PLCB1: variants seen among roughly 807,000 people sequenced by gnomAD.
PLCB1 encodes the protein 1-phosphatidylinositol 4,5-bisphosphate phosphodiesterase beta-1.
PLCB1 carries 46 observed loss-of-function variants against 161.8 expected under a neutral mutation model. That is an observed-to-expected ratio of 0.28 (90% CI 0.22 to 0.36). The LOEUF (loss-of-function observed/expected upper bound fraction) is 0.36. PLCB1 is among the 10% of genes least tolerant of loss of function. The pLI, the probability that PLCB1 is intolerant of heterozygous loss-of-function variation, is 1.00. For synonymous variants in PLCB1, 517 were observed against 503.7 expected (o/e 1.03, Z -0.35); for missense variants, 1,016 against 1,472.5 (o/e 0.69, Z 5.07).
intron 3 of PLCB1, among the ~76,000 whole-genome samples, chr20:8,518,251 G>A (rs6055878): frequency 0.19 from 29,586 of 152,010 alleles, 3,038 homozygotes; most frequent in African/African-American, 0.24. Flanking sequence ...AGGCTGGAGT[G>A]CAGTAGCAAT....
chr20:8,436,511 T>TA (rs1980318128), intron 3 of PLCB1, among the ~76,000 whole-genome samples: 1 of 152,092 alleles, frequency 6.6e-6, no homozygotes, highest in Non-Finnish European at 1.5e-5. Flanking sequence ...ATTGTTAATT[T>TA]AAAAAATCTG....
chr20:8,465,797 T>C lies in PLCB1; in HGVS notation c.246+94347T>C, dbSNP rs538122559. On this transcript the variant is annotated intron_variant, in intron 3 of 31. Coordinates refer to ENST00000338037, the MANE Select transcript of PLCB1 (RefSeq NM_015192.4). ...AGATACCATCTCACACCAGTTAGAA[T>C]GGCAATCATTAAAAAGTCAGGAAAC... Among the ~76,000 whole-genome samples the C allele has an allele frequency of 2.0e-5, 3 of 151,058 alleles. No homozygotes were observed. The East Asian group carries it at 5.9e-4, about 30-fold the overall frequency.
chr20:8,565,789 A>G (rs1452056654), intron 3 of PLCB1, among the ~76,000 whole-genome samples: 3 of 152,084 alleles, frequency 2.0e-5, no homozygotes, highest in African/African-American at 4.8e-5. Flanking sequence ...TTTTGTCCTC[A>G]GTCATTTCCT....
intron 3 of PLCB1, among the ~76,000 whole-genome samples, chr20:8,484,829 G>A (rs1294047324): frequency 6.6e-6 from 1 of 152,040 alleles, no homozygotes; most frequent in Non-Finnish European, 1.5e-5. Flanking sequence ...AAGTATTGTT[G>A]TCTGTCTACC....
At chr20:8,873,772 T>A (rs1048713014) in intron 31 of PLCB1, among the ~76,000 whole-genome samples, 15 of 152,134 alleles carry the variant, frequency 9.9e-5, no homozygotes, top group Non-Finnish European at 2.1e-4. Flanking sequence ...ATTATTTGAC[T>A]ACCTCATAGT....
intron 3 of PLCB1, among the ~76,000 whole-genome samples, chr20:8,407,832 C>T (rs908895753): frequency 3.9e-5 from 6 of 152,170 alleles, no homozygotes; most frequent in South Asian, 2.1e-4. Context: ...TCCCCAGAAC[C>T]GAAAATTCCA....
chr20:8,495,862 C>T (rs1188853504), intron 3 of PLCB1, among the ~76,000 whole-genome samples: 2 of 152,134 alleles, frequency 1.3e-5, no homozygotes, highest in Non-Finnish European at 2.9e-5. Flanking sequence ...AAATTGCCAT[C>T]TCTCCACATT....
At chr20:8,789,634 C>T (rs867786488) in intron 30 of PLCB1, 59 bp downstream of exon 30, 33 of 1,267,056 alleles carry the variant, frequency 2.6e-5, no homozygotes, top group Non-Finnish European at 3.7e-5. Flanking sequence ...TTGGTGAGCT[C>T]GCTGTGAGCT....
At chr20:8,248,705 A>G (rs1241149786) in intron 2 of PLCB1, 1 of 151,928 alleles carries the variant, frequency 6.6e-6, no homozygotes, top group African/African-American at 2.4e-5. Context: ...AAACGAGTCT[A>G]TCTTTGAAGA....
At chr20:8,158,100 C>CA (rs1323356370) in intron 2 of PLCB1, among the ~76,000 whole-genome samples, 1 of 151,982 alleles carries the variant, frequency 6.6e-6, no homozygotes, top group African/African-American at 2.4e-5. Context: ...TTTTTGATGC[C>CA]AAAAAATGGT....
At chr20:8,600,375 T>C (rs977005036) in intron 3 of PLCB1, among the ~76,000 whole-genome samples, 2 of 115,062 alleles carry the variant, frequency 1.7e-5, no homozygotes, top group African/African-American at 3.6e-5. Flanking sequence ...GGTGTCAGTG[T>C]GCCCCTGCTG....
At chr20:8,177,320 G>A (rs988628552) in intron 2 of PLCB1, among the ~76,000 whole-genome samples, 5 of 152,102 alleles carry the variant, frequency 3.3e-5, no homozygotes, top group Admixed American at 6.5e-5. Context: ...ATCACCAGAC[G>A]CTGAATCTGC....
At chr20:8,407,803 C>T (rs1978851955) in intron 3 of PLCB1, among the ~76,000 whole-genome samples, 1 of 152,082 alleles carries the variant, frequency 6.6e-6, no homozygotes, top group African/African-American at 2.4e-5. Flanking sequence ...GTAATAATGA[C>T]ATTATCTGCT....
chr20:8,642,541 A>G (rs1223038126), intron 4 of PLCB1, among the ~76,000 whole-genome samples: 2 of 152,204 alleles, frequency 1.3e-5, no homozygotes, highest in African/African-American at 4.8e-5. Flanking sequence ...AGGTAATCAG[A>G]ATGACACCAT....
chr20:8,478,295 C>T (rs147576451), intron 3 of PLCB1, among the ~76,000 whole-genome samples: 6 of 152,020 alleles, frequency 3.9e-5, no homozygotes, highest in East Asian at 1.9e-4. Context: ...ATACACAACT[C>T]GTGTGTTATT....
chr20:8,815,553 C>G (rs994110816), intron 31 of PLCB1, among the ~76,000 whole-genome samples: 1 of 151,676 alleles, frequency 6.6e-6, no homozygotes. Context: ...TTGGAGCTGA[C>G]ACTTTCATTT....
At chr20:8,670,584 A>G (rs1429842730) in intron 9 of PLCB1, among the ~76,000 whole-genome samples, 2 of 152,144 alleles carry the variant, frequency 1.3e-5, no homozygotes, top group African/African-American at 4.8e-5. Flanking sequence ...ATAACAATAT[A>G]TGACACTTTT....
intron 3 of PLCB1, among the ~76,000 whole-genome samples, chr20:8,378,686 A>G (rs1987169899): frequency 6.6e-6 from 1 of 152,238 alleles, no homozygotes; most frequent in African/African-American, 2.4e-5. Flanking sequence ...TTGACTCTTC[A>G]TTGCATGAAA....
At chr20:8,485,032 C>G (rs879425832) in intron 3 of PLCB1, among the ~76,000 whole-genome samples, 1 of 152,148 alleles carries the variant, frequency 6.6e-6, no homozygotes, top group East Asian at 1.9e-4. Flanking sequence ...TACCACTGCT[C>G]CCCAGGGAAT....
Sources: gnomAD v4.1 joint callset for allele counts (sites outside exome capture counted in the v4.1 genomes callset) on GRCh38, gnomAD v4.1.1 for gene constraint, MANE v1.5 for transcripts, NCBI Gene and HGNC (gene_info 2026-07-23, HGNC 2026-07-21) for gene names.